KLHL29: variants seen among roughly 807,000 people sequenced by gnomAD.
KLHL29 encodes the protein kelch-like protein 29.
A neutral mutation model predicts 80.4 loss-of-function variants in KLHL29; 21 were observed. The observed-to-expected ratio is 0.26, with a 90% CI of 0.19 to 0.38. The LOEUF (loss-of-function observed/expected upper bound fraction) is 0.38, where lower values mean the gene tolerates loss of function less well. Ranked by LOEUF, KLHL29 falls within the 10% of genes least tolerant of loss-of-function variation. The pLI, the probability that KLHL29 is intolerant of heterozygous loss-of-function variation, is 1.00. For missense variants in KLHL29, 867 were observed against 1,223.9 expected (o/e 0.71, Z 4.35); for synonymous variants, 511 against 526.8 (o/e 0.97, Z 0.41).
intron 2 of KLHL29, among the ~76,000 whole-genome samples, chr2:23,480,170 G>A (rs1664748348): frequency 6.6e-6 from 1 of 152,330 alleles, no homozygotes; most frequent in South Asian, 2.1e-4. Flanking sequence ...AGCCCTTGGT[G>A]CACATTGACC....
chr2:23,394,942 C>T (rs2103384735), intron 1 of KLHL29, among the ~76,000 whole-genome samples: 1 of 152,310 alleles, frequency 6.6e-6, no homozygotes, highest in African/African-American at 2.4e-5. Context: ...TAAATGAGTT[C>T]CTGTTTGCAA....
At chr2:23,426,806 C>T (rs1262318946) in intron 1 of KLHL29, among the ~76,000 whole-genome samples, 3 of 152,222 alleles carry the variant, frequency 2.0e-5, no homozygotes, top group Non-Finnish European at 4.4e-5. Context: ...CCAGCCTCAG[C>T]TGACAGCTCT....
chr2:23,507,414 C>T (rs751390542), intron 2 of KLHL29, among the ~76,000 whole-genome samples: 6 of 152,250 alleles, frequency 3.9e-5, no homozygotes, highest in South Asian at 2.1e-4. Flanking sequence ...AGCCCCGTCC[C>T]GGAGCAGCGT....
intron 2 of KLHL29, among the ~76,000 whole-genome samples, chr2:23,491,554 C>T (rs1665102785): frequency 1.5e-5 from 1 of 68,750 alleles, no homozygotes; most frequent in Non-Finnish European, 3.0e-5. Flanking sequence ...CCCCGCTGGG[C>T]CAGCAGCTCT....
chr2:23,593,782 C>A (rs1448146229), intron 3 of KLHL29, among the ~76,000 whole-genome samples: 7 of 152,202 alleles, frequency 4.6e-5, no homozygotes, highest in African/African-American at 1.7e-4. Context: ...TCAGCCTGCA[C>A]AGCTCCAAGG....
intron 1 of KLHL29, among the ~76,000 whole-genome samples, chr2:23,408,993 G>T (rs1221257656): frequency 6.6e-6 from 1 of 152,116 alleles, no homozygotes; most frequent in Non-Finnish European, 1.5e-5. Flanking sequence ...CTTGTTGGGG[G>T]GTGTGTGAGG....
chr2:23,588,341 G>A (rs1668169316), intron 3 of KLHL29, among the ~76,000 whole-genome samples: 1 of 152,310 alleles, frequency 6.6e-6, no homozygotes, highest in Admixed American at 6.5e-5. Flanking sequence ...ACCAGTTTCA[G>A]GTTGCCCACT....
intron 3 of KLHL29, among the ~76,000 whole-genome samples, chr2:23,620,202 A>C (rs1400491169): frequency 2.0e-5 from 3 of 152,202 alleles, no homozygotes; most frequent in Non-Finnish European, 4.4e-5. Flanking sequence ...CAGAGCATGA[A>C]GTGCCAGCCC....
At chr2:23,595,283 T>G (rs745956182) in intron 3 of KLHL29, among the ~76,000 whole-genome samples, 7 of 152,188 alleles carry the variant, frequency 4.6e-5, no homozygotes, top group Non-Finnish European at 7.3e-5. Flanking sequence ...CCATGTATTA[T>G]AATCCTATCC....
chr2:23,441,363 A>T (rs1663516084), intron 1 of KLHL29, among the ~76,000 whole-genome samples: 1 of 151,420 alleles, frequency 6.6e-6, no homozygotes, highest in African/African-American at 2.4e-5. Context: ...TAGCATTAGG[A>T]GATATACTTA....
chr2:23,498,244 A>C (rs1027240856), intron 2 of KLHL29, among the ~76,000 whole-genome samples: 1 of 152,234 alleles, frequency 6.6e-6, no homozygotes, highest in Non-Finnish European at 1.5e-5. Context: ...AAAGCAGGCA[A>C]GAATTCCCCG....
rs528018564 is a variant in KLHL29, at chr2:23,400,372, A to T, written c.-154+14592A>T. Among the ~76,000 whole-genome samples, 6 of 152,276 alleles carry T rather than the reference A, an allele frequency of 3.9e-5. No homozygotes were observed. The East Asian group carries it at 1.2e-3, about 29-fold the overall frequency. ...GCCACATTAAAGCCATTAGTCTGGG[A>T]CTGAAGCACCACAGCTTTTCCATCT... On this transcript the variant is annotated intron_variant, in intron 1 of 13. Coordinates refer to ENST00000486442, the MANE Select transcript of KLHL29 (RefSeq NM_052920.2).
intron 2 of KLHL29, among the ~76,000 whole-genome samples, chr2:23,555,116 G>A (rs1339782015): frequency 7.7e-6 from 1 of 129,786 alleles, no homozygotes; most frequent in Non-Finnish European, 1.6e-5. Context: ...TATGGAGGAT[G>A]ACCTCCCCCC....
chr2:23,489,549 G>A (rs1247105986), intron 2 of KLHL29, among the ~76,000 whole-genome samples: 1 of 152,128 alleles, frequency 6.6e-6, no homozygotes, highest in African/African-American at 2.4e-5. Context: ...CTGCCACGCT[G>A]AAGTCATTCT....
intron 2 of KLHL29, among the ~76,000 whole-genome samples, chr2:23,558,504 T>C (rs60912090): frequency 0.024 from 3,586 of 150,710 alleles, 119 homozygotes; most frequent in African/African-American, 0.082. Flanking sequence ...CGGGTTCAAG[T>C]GATTCTCATG....
intron 3 of KLHL29, among the ~76,000 whole-genome samples, chr2:23,603,900 G>T (rs375021554): frequency 6.6e-6 from 1 of 152,196 alleles, no homozygotes; most frequent in East Asian, 1.9e-4. Context: ...CATTGTCCCC[G>T]TCTCCTCCAG....
intron 2 of KLHL29, among the ~76,000 whole-genome samples, chr2:23,542,520 G>T (rs550966563): frequency 1.3e-5 from 2 of 152,236 alleles, no homozygotes; most frequent in East Asian, 3.9e-4. Flanking sequence ...TGGCTATTTG[G>T]GGAATTGCTG....
intron 1 of KLHL29, among the ~76,000 whole-genome samples, chr2:23,407,146 TTA>T (rs1406985062): frequency 6.6e-5 from 10 of 152,244 alleles, no homozygotes; most frequent in Non-Finnish European, 1.5e-4. Flanking sequence ...TTTTTGCCAT[TTA>T]GATAATTCAG....
At chr2:23,660,078 C>T (rs1394472627) in intron 5 of KLHL29, among the ~76,000 whole-genome samples, 1 of 152,162 alleles carries the variant, frequency 6.6e-6, no homozygotes, top group African/African-American at 2.4e-5. Context: ...GAAAACTTCC[C>T]TGGACCCCCA....
Sources: allele counts gnomAD v4.1 joint callset (sites outside exome capture counted in the v4.1 genomes callset), GRCh38; gene constraint gnomAD v4.1.1; transcripts MANE v1.5; gene names NCBI Gene and HGNC (gene_info 2026-07-23, HGNC 2026-07-21).